The following DOCK9 variants were observed in gnomAD, a reference collection of about 807,000 sequenced individuals.
DOCK9 encodes dedicator of cytokinesis protein 9.
In DOCK9, 89 loss-of-function variants were observed where a neutral mutation model predicts 263.3. That is an observed-to-expected ratio of 0.34 (90% confidence interval 0.28 to 0.40). The LOEUF is 0.40. Ranked by LOEUF, DOCK9 falls within the 10% of genes least tolerant of loss-of-function variation. The pLI is 1.00. For missense variants in DOCK9, 2,140 were observed against 2,603.4 expected (o/e 0.82, Z 3.87); for synonymous variants, 976 against 973.1 (o/e 1.00, Z -0.06).
At chr13:98,845,085 A>G (rs958311130) in intron 38 of DOCK9, among the ~76,000 whole-genome samples, 1 of 152,242 alleles carries the variant, frequency 6.6e-6, no homozygotes, top group Admixed American at 6.5e-5. Flanking sequence ...GATATCTTTC[A>G]GGTGTTCTGC....
At chr13:98,946,502 T>C (rs1021203670) in intron 2 of DOCK9, among the ~76,000 whole-genome samples, 9 of 152,138 alleles carry the variant, frequency 5.9e-5, no homozygotes. Context: ...CAATACGCAA[T>C]GCTCTCCTTC....
chr13:98,846,746 T>C (rs2093405400), intron 37 of DOCK9: 2 of 375,480 alleles, frequency 5.3e-6, no homozygotes, highest in Admixed American at 7.0e-5. Context: ...GGGACATGCA[T>C]GGACTATCAT....
At chr13:99,065,917 T>A (rs2041395094) in intron 1 of DOCK9, among the ~76,000 whole-genome samples, 1 of 152,334 alleles carries the variant, frequency 6.6e-6, no homozygotes, top group South Asian at 2.1e-4. Flanking sequence ...ACTTAATTGA[T>A]GCATGTACGA....
intron 33 of DOCK9, chr13:98,858,248 G>A (rs2093756176): frequency 6.6e-6 from 1 of 152,226 alleles, no homozygotes. Context: ...AGATAAATTC[G>A]TCCCTCTTCC....
intron 45 of DOCK9, among the ~76,000 whole-genome samples, chr13:98,813,505 T>A (rs2091519105): frequency 1.3e-5 from 2 of 152,204 alleles, no homozygotes; most frequent in African/African-American, 4.8e-5. Context: ...TCTGTTGATA[T>A]GATCAATTAA....
intron 45 of DOCK9, among the ~76,000 whole-genome samples, chr13:98,821,024 C>T (rs921895879): frequency 6.6e-6 from 1 of 152,132 alleles, no homozygotes; most frequent in Non-Finnish European, 1.5e-5. Context: ...TGTACATATC[C>T]CTGAATGACC....
intron 1 of DOCK9, among the ~76,000 whole-genome samples, chr13:99,049,426 G>A (rs7321224): frequency 0.11 from 17,033 of 152,110 alleles, 1,371 homozygotes; most frequent in East Asian, 0.24. Context: ...GGTGGCAAAC[G>A]CCTGTAGTCC....
At chr13:98,820,086 T>A (rs1166796287) in intron 45 of DOCK9, among the ~76,000 whole-genome samples, 1 of 152,240 alleles carries the variant, frequency 6.6e-6, no homozygotes, top group Non-Finnish European at 1.5e-5. Context: ...GTCCGCTTCC[T>A]AGGGAAAATG....
intron 1 of DOCK9, among the ~76,000 whole-genome samples, chr13:99,050,925 GAC>G (rs2040662605): frequency 6.6e-6 from 1 of 152,172 alleles, no homozygotes; most frequent in African/African-American, 2.4e-5. Context: ...ACTTTTCAGA[GAC>G]AGCTGCCAGG....
intron 21 of DOCK9, among the ~76,000 whole-genome samples, chr13:98,884,480 T>C (rs1046008820): frequency 2.6e-5 from 4 of 152,222 alleles, no homozygotes; most frequent in Admixed American, 2.6e-4. Context: ...CCGCAGTCTA[T>C]AAAATTTAAG....
rs761165838 is a variant in DOCK9, at chr13:98,855,970, T to G, written c.3759A>C (p.Gly1253=). The change falls in exon 34 of 53, where the codon GGA becomes GGC. Residue 1253 remains glycine (G), a synonymous_variant. Transcript: ENST00000682017. The stretch of plus-strand genomic sequence containing the variant: ...TACCCGAATCTGTGCTTATGAGAGA[T>G]CCTCTCGAATCAGCATTTCTCACAC... ...INSVRNADSR[G]SLISTDSGNS... 1.2e-6 allele frequency: 2 copies of G among 1,613,896 alleles called. No homozygotes were observed. The highest frequency in any genetic ancestry group is 3.3e-5 in the Admixed American group (2 of 60,026).
chr13:99,072,643 A>G (rs747738261), intron 1 of DOCK9, among the ~76,000 whole-genome samples: 3 of 152,174 alleles, frequency 2.0e-5, no homozygotes, highest in Admixed American at 6.5e-5. Flanking sequence ...AGTCAGATAA[A>G]GAAAACACCC....
At position 98,829,542 on chromosome 13, in the gene DOCK9, G is replaced by A. The variant is rs2092677883; in HGVS notation, c.4750-20C>T. 1 of 1,604,384 alleles carries A rather than the reference G, an allele frequency of 6.2e-7. No individual in the cohort carries two copies. The highest frequency in any genetic ancestry group is 8.5e-7 in the Non-Finnish European group (1 of 1,174,726). ...GGTGTGCTAAAACAAGGGTGGAAGAGGAAAGGACACATGGCTTCCTCTGTT... is the reference window on the plus strand; with the variant it reads ...GGTGTGCTAAAACAAGGGTGGAAGAAGAAAGGACACATGGCTTCCTCTGTT... On this transcript the variant is annotated intron_variant, in intron 42 of 52. Coordinates refer to ENST00000682017, the MANE Select transcript of DOCK9 (RefSeq NM_001366683.2). This position sits in a 1 kb window ranked among gnomAD's most constrained non-coding sequence, Gnocchi z 4.1.
chr13:98,966,209 A>C (rs1328113020), intron 1 of DOCK9, among the ~76,000 whole-genome samples: 10 of 152,176 alleles, frequency 6.6e-5, no homozygotes, highest in Non-Finnish European at 1.5e-5. Flanking sequence ...ATGAGGAGAG[A>C]GCTAGGTGGA....
chr13:98,802,860 T>C (rs931073611), intron 49 of DOCK9, among the ~76,000 whole-genome samples: 8 of 152,350 alleles, frequency 5.3e-5, no homozygotes, highest in African/African-American at 1.9e-4. Flanking sequence ...CCCTCAGGTC[T>C]AGCCTTCAGA....
At position 98,865,316 on chromosome 13, in the gene DOCK9, C is replaced by T. The variant is rs143175526; in HGVS notation, c.3287-1768G>A. Among the ~76,000 whole-genome samples the T allele has an allele frequency of 6.1e-3, 935 of 152,192 alleles. 4 individuals are homozygous for T. Among genetic ancestry groups the T allele is most frequent in the Non-Finnish European group, 9.6e-3 (656 of 68,002 alleles). On this transcript the variant is annotated intron_variant, in intron 30 of 52. Transcript: ENST00000682017. ...CGAACTCCTAGGCTCAAGTGATCCT[C>T]CCAGTTCAGCCTCCCAAAGTGCTGG...
chr13:98,891,244 C>T (rs2139063846), intron 15 of DOCK9, among the ~76,000 whole-genome samples: 1 of 152,212 alleles, frequency 6.6e-6, no homozygotes, highest in African/African-American at 2.4e-5. Context: ...TCTTCAGGGG[C>T]ATCAACCTTC....
chr13:98,840,686 G>A (rs2093178209), intron 38 of DOCK9, among the ~76,000 whole-genome samples: 1 of 152,150 alleles, frequency 6.6e-6, no homozygotes, highest in African/African-American at 2.4e-5. Context: ...AGAAGCCTGA[G>A]GCCACATGCC....
chr13:98,862,853 G>C (rs903317943), intron 32 of DOCK9, among the ~76,000 whole-genome samples, 166 bp downstream of exon 32: 7 of 152,140 alleles, frequency 4.6e-5, no homozygotes, highest in African/African-American at 1.7e-4. Flanking sequence ...TGGCCCATGA[G>C]CCTCCAGTAG....
Sources: gnomAD v4.1 joint callset for allele counts (sites outside exome capture counted in the v4.1 genomes callset) on GRCh38, gnomAD v4.1.1 for gene constraint, Gnocchi (gnomAD v3.1) non-coding constraint, MANE v1.5 for transcripts, NCBI Gene and HGNC (gene_info 2026-07-23, HGNC 2026-07-21) for gene names.